The following CCNB2 variants were observed in gnomAD, a reference collection of about 807,000 sequenced individuals.
CCNB2 encodes the protein G2/mitotic-specific cyclin-B2.
CCNB2 carries 39 observed loss-of-function variants against 51.1 expected under a neutral mutation model. The observed-to-expected ratio is 0.76, with a 90% CI of 0.59 to 1.00. The LOEUF is 1.00. Ranked by LOEUF, CCNB2 falls within the 50% of genes least tolerant of loss-of-function variation. The pLI is 0.00. For missense variants in CCNB2, 472 were observed against 470.3 expected (o/e 1.00, Z -0.03); for synonymous variants, 174 against 165.5 (o/e 1.05, Z -0.40).
chr15:59,111,856 CT>C (rs11327656), intron 3 of CCNB2, among the ~76,000 whole-genome samples: 9,274 of 133,752 alleles, frequency 0.069, 501 homozygotes, highest in African/African-American at 0.19. Flanking sequence ...TTCTTTCTTT[CT>C]TTTTTTTTTT....
At chr15:59,105,474 C>T (rs998005066) in intron 1 of CCNB2, among the ~76,000 whole-genome samples, 182 bp downstream of exon 1, 1 of 152,252 alleles carries the variant, frequency 6.6e-6, no homozygotes, top group Non-Finnish European at 1.5e-5. Flanking sequence ...CGCCTTTCCC[C>T]GTCTGGATTC....
At chr15:59,114,358 G>T in intron 3 of CCNB2, 86 bp from the exon 4 acceptor site, 1 of 930,564 alleles carries the variant, frequency 1.1e-6, no homozygotes, top group Non-Finnish European at 1.6e-6. Flanking sequence ...TCAGATGTGC[G>T]TATGATATTG....
At chr15:59,113,025 C>T (rs1274045187) in intron 3 of CCNB2, among the ~76,000 whole-genome samples, 1 of 150,618 alleles carries the variant, frequency 6.6e-6, no homozygotes, top group African/African-American at 2.5e-5. Flanking sequence ...CAGAGCGAGA[C>T]TCCATCTCAA....
chr15:59,123,337 T>C (rs961009676), intron 7 of CCNB2, among the ~76,000 whole-genome samples, 180 bp from the exon 8 acceptor site: 26 of 152,178 alleles, frequency 1.7e-4, no homozygotes, highest in African/African-American at 5.5e-4. Flanking sequence ...ACCAGCTGCT[T>C]TAGTGTTGCT....
chr15:59,114,555 A>G lies in CCNB2; in HGVS notation c.379A>G (p.Asn127Asp). Reference protein sequence around the residue: ...IEDIDNEDWENPQLCSDYVKD... With the variant: ...IEDIDNEDWEDPQLCSDYVKD... ...GGACATTGATAACGAAGATTGGGAG[A>G]ACCCTCAGCTCTGCAGTGACTACGT... Residue 127 changes from asparagine (N) to aspartate (D), a missense_variant, in exon 4 of 9, where the codon AAC (asparagine) becomes GAC (aspartate). Transcript: ENST00000288207. 6.2e-7 allele frequency: 1 copy of G among 1,613,596 alleles called. No homozygotes were observed. Among genetic ancestry groups the G allele is most frequent in the Non-Finnish European group, 8.5e-7 (1 of 1,179,760 alleles).
chr15:59,112,580 C>T (rs935596386), intron 3 of CCNB2, among the ~76,000 whole-genome samples: 2 of 151,716 alleles, frequency 1.3e-5, no homozygotes, highest in African/African-American at 2.4e-5. Flanking sequence ...CTTCTGACCT[C>T]GTGATCCACC....
At chr15:59,118,418 C>G (rs2079287947) in intron 7 of CCNB2, among the ~76,000 whole-genome samples, 1 of 152,218 alleles carries the variant, frequency 6.6e-6, no homozygotes, top group Non-Finnish European at 1.5e-5. Context: ...GGCCGGGTGC[C>G]ATGCCAGTAA....
intron 5 of CCNB2, 21 bp downstream of exon 5, chr15:59,114,897 T>C: frequency 6.3e-7 from 1 of 1,596,270 alleles, no homozygotes; most frequent in Non-Finnish European, 8.6e-7. Context: ...CTTCAGGGAC[T>C]TCACGCCAGT....
At chr15:59,107,248 A>C in intron 1 of CCNB2, 74 bp from the exon 2 acceptor site, 1 of 1,372,050 alleles carries the variant, frequency 7.3e-7, no homozygotes, top group Non-Finnish European at 9.9e-7. Flanking sequence ...AGCAATTCTA[A>C]ATTTGAGTAT....
Position 59,117,335 on chromosome 15 carries a change from C to T in CCNB2, c.942C>T (p.Cys314=). 6.2e-7 allele frequency: 1 copy of T among 1,613,938 alleles called. No homozygotes were observed. The highest frequency in any genetic ancestry group is 8.5e-7 in the Non-Finnish European group (1 of 1,179,958). Residue 314 remains cysteine (C), a synonymous_variant, in exon 7 of 9, where the codon TGC becomes TGT. Coordinates refer to ENST00000288207, the MANE Select transcript of CCNB2 (RefSeq NM_004701.4). ...CTAAGGTAGCAGCAGCTGCTTCCTG[C>T]TTGTCTCAGAAGGTTCTAGGACAAG... ...HPSKVAAAAS[C]LSQKVLGQGK...
rs183480578 is a variant in CCNB2, at chr15:59,122,093, G to A, written c.976-1424G>A. Among the ~76,000 whole-genome samples, 333 of 151,824 alleles carry A rather than the reference G, an allele frequency of 2.2e-3. 2 individuals carry two copies. The highest frequency in any genetic ancestry group is 7.9e-3 in the African/African-American group (326 of 41,414). On this transcript the variant is annotated intron_variant, in intron 7 of 8. Transcript: ENST00000288207. ...TGATAGTGCCACTGCACTCCAGCCT[G>A]GGCAACAGAGTTGAGACCCGGTCTT...
chr15:59,123,623 T>G lies in CCNB2; in HGVS notation c.1082T>G (p.Phe361Cys). ...VVKVNENLTK[F>C]IAIKNKYASS... The stretch of plus-strand genomic sequence containing the variant: ...AAAGTAAATGAAAACTTAACTAAAT[T>G]CATCGTAAGTACTACTGTTTTCTTA... Residue 361 changes from phenylalanine (F) to cysteine (C), a missense_variant, in exon 8 of 9, where the codon TTC becomes TGC. Physicochemically the swap from Phe to Cys is radical, Grantham distance 205. Coordinates refer to ENST00000288207, the MANE Select transcript of CCNB2 (RefSeq NM_004701.4). The G allele has an allele frequency of 1.3e-6, 2 of 1,587,940 alleles. No homozygotes were observed. The highest frequency in any genetic ancestry group is 1.7e-4 in the Middle Eastern group (1 of 5,970).
chr15:59,106,731 A>G (rs1345939012), intron 1 of CCNB2, among the ~76,000 whole-genome samples: 1 of 152,214 alleles, frequency 6.6e-6, no homozygotes, highest in African/African-American at 2.4e-5. Flanking sequence ...TTAATATAAG[A>G]GAAAATCCAT....
At chr15:59,105,921 A>G (rs1250025445) in intron 1 of CCNB2, among the ~76,000 whole-genome samples, 1 of 152,242 alleles carries the variant, frequency 6.6e-6, no homozygotes, top group African/African-American at 2.4e-5. Flanking sequence ...AGGTTTTTGA[A>G]TATAATTTGG....
At chr15:59,111,347 G>A (rs1405629063) in intron 3 of CCNB2, among the ~76,000 whole-genome samples, 2 of 152,118 alleles carry the variant, frequency 1.3e-5, no homozygotes, top group African/African-American at 4.8e-5. Flanking sequence ...GGTGGCTTTT[G>A]GATATGGCTA....
chr15:59,122,087 C>T (rs1398094474), intron 7 of CCNB2, among the ~76,000 whole-genome samples: 1 of 151,720 alleles, frequency 6.6e-6, no homozygotes, highest in Non-Finnish European at 1.5e-5. Context: ...CACTGCACTC[C>T]AGCCTGGGCA....
Position 59,119,525 on chromosome 15 carries a change from G to A in CCNB2, c.975+2157G>A, listed in dbSNP as rs183551174. 2.2e-3 allele frequency among the ~76,000 whole-genome samples: 328 copies of A among 151,780 alleles called. 2 individuals are homozygous for A. Among genetic ancestry groups the A allele is most frequent in the African/African-American group, 7.8e-3 (321 of 41,388 alleles). ...CATTCTGACTGTGCATCCTTAGTGG[G>A]ATTTAAAGTATGACAAAATAAAGGA... On this transcript the variant is annotated intron_variant, in intron 7 of 8. Transcript: ENST00000288207.
In CCNB2 at chr15:59,114,815, A is replaced by T. The variant is rs1346382113; in HGVS notation, c.536A>T (p.Lys179Met). ...GATTGGCTGGTACAAGTCCACTCCA[A>T]GTTTAGGCTTCTGCAGGAGACTCTG... Reference protein sequence around the residue: ...LVDWLVQVHSKFRLLQETLYM... With the variant: ...LVDWLVQVHSMFRLLQETLYM... The change falls in exon 5 of 9, where the codon AAG becomes ATG. Residue 179 changes from lysine to methionine, a missense_variant. Lys to Met is a moderately conservative substitution (Grantham distance 95). Transcript: ENST00000288207. 1 of 1,614,210 alleles carries T rather than the reference A, an allele frequency of 6.2e-7. No homozygotes were observed. Among genetic ancestry groups the T allele is most frequent in the South Asian group, 1.1e-5 (1 of 91,080 alleles).
rs1162917277 is a variant in CCNB2 at position 59,122,241 on chromosome 15, CTTTTT to C, written c.976-1255_976-1251del. On this transcript the variant is annotated intron_variant, in intron 7 of 8. Coordinates refer to ENST00000288207, the MANE Select transcript of CCNB2 (RefSeq NM_004701.4). Reference sequence around the variant, plus strand: ...TCTTAAATAAAGTCAGTTGACATATCTTTTTTTTTTTTTTTTTTTTTTTTTGAGAC... The same window carrying C: ...TCTTAAATAAAGTCAGTTGACATATCTTTTTTTTTTTTTTTTTTTTGAGAC... 2.1e-3 allele frequency among the ~76,000 whole-genome samples: 152 copies of C among 73,004 alleles called. 1 individual carries two copies. The highest frequency in any genetic ancestry group is 7.9e-3 in the African/African-American group (136 of 17,180). 47.9% of individuals were successfully genotyped at this position (73,004 alleles called of 152,430 possible). A position where few individuals can be genotyped will look rare whatever the true frequency, so the allele number is the denominator to read the frequency against.
Sources: allele counts gnomAD v4.1 joint callset (sites outside exome capture counted in the v4.1 genomes callset), GRCh38; gene constraint gnomAD v4.1.1; transcripts MANE v1.5; gene names NCBI Gene and HGNC (gene_info 2026-07-23, HGNC 2026-07-21).